SOX6: variants seen among roughly 807,000 people sequenced by gnomAD.
SOX6 encodes the protein SRY-box transcription factor 6, also known as transcription factor SOX-6.
A neutral mutation model predicts 97.8 loss-of-function variants in SOX6; 11 were observed. That is an observed-to-expected ratio of 0.11 (90% CI 0.07 to 0.19). The LOEUF is 0.19. Ranked by LOEUF, SOX6 falls within the 10% of genes least tolerant of loss-of-function variation. The pLI is 1.00. For missense variants in SOX6, 810 were observed against 1,039.5 expected (o/e 0.78, Z 3.04); for synonymous variants, 360 against 371.4 (o/e 0.97, Z 0.35).
At chr11:16,051,359 A>T (rs889182593) in intron 10 of SOX6, among the ~76,000 whole-genome samples, 1 of 152,146 alleles carries the variant, frequency 6.6e-6, no homozygotes, top group Non-Finnish European at 1.5e-5. Flanking sequence ...TTAAATTCTA[A>T]TTTATTGGAC....
chr11:16,715,856 C>T (rs999813645), intron 2 of SOX6, among the ~76,000 whole-genome samples: 22 of 152,132 alleles, frequency 1.4e-4, no homozygotes, highest in African/African-American at 2.4e-5. Flanking sequence ...AAAAAATCAA[C>T]TGCTTTTCCC....
chr11:16,251,085 T>C (rs907272848), intron 3 of SOX6, among the ~76,000 whole-genome samples: 3 of 152,014 alleles, frequency 2.0e-5, no homozygotes, highest in African/African-American at 7.2e-5. Flanking sequence ...AATTAGAAAA[T>C]ATTTCAAACT....
At chr11:16,246,733 G>C (rs1853346842) in intron 3 of SOX6, among the ~76,000 whole-genome samples, 1 of 151,578 alleles carries the variant, frequency 6.6e-6, no homozygotes, top group Non-Finnish European at 1.5e-5. Context: ...TGGATCTAAG[G>C]GATTATATTT....
intron 9 of SOX6, among the ~76,000 whole-genome samples, chr11:16,095,532 A>T (rs1162569641): frequency 6.6e-6 from 1 of 151,880 alleles, no homozygotes; most frequent in East Asian, 1.9e-4. Context: ...GACTCAACGA[A>T]TATTTTATAG....
At chr11:16,163,424 A>G (rs1348372562) in intron 6 of SOX6, among the ~76,000 whole-genome samples, 2 of 152,226 alleles carry the variant, frequency 1.3e-5, no homozygotes, top group Non-Finnish European at 2.9e-5. Context: ...TTATATTTAT[A>G]GAAAATAAAC....
intron 6 of SOX6, among the ~76,000 whole-genome samples, chr11:16,133,693 G>C (rs1256762504): frequency 1.3e-5 from 2 of 151,360 alleles, no homozygotes; most frequent in East Asian, 3.9e-4. Flanking sequence ...GTTTTGTTTT[G>C]TTTTGTTTGT....
intron 3 of SOX6, chr11:16,283,821 T>C (rs936581354): frequency 5.6e-6 from 2 of 357,352 alleles, no homozygotes; most frequent in South Asian, 4.2e-5. Context: ...TAATTTCAGT[T>C]ACTTTTTAAA....
At position 16,049,787 on chromosome 11, in the gene SOX6, A is replaced by G. The variant is rs111743861; in HGVS notation, c.1403T>C (p.Ile468Thr). 2.9e-5 allele frequency: 46 copies of G among 1,613,346 alleles called. 2 individuals carry two copies. The African/African-American group carries it at 4.5e-4, about 16-fold the overall frequency. ...GGATCCTCTTCCCAGGCTTCCTCCA[A>G]TGGGGCTAGGGATGCTGCTTTTGTT... ...LPNKSSIPSP[I>T]GGSLGRGSSL... The change falls in exon 11 of 16, where the codon ATT becomes ACT. Residue 468 changes from isoleucine to threonine, a missense_variant. By Grantham distance (89) the Ile-to-Thr change is moderately conservative. Coordinates refer to ENST00000683767, the MANE Select transcript of SOX6 (RefSeq NM_001367873.1).
chr11:16,025,838 G>A (rs1383447348), intron 12 of SOX6, among the ~76,000 whole-genome samples: 3 of 151,966 alleles, frequency 2.0e-5, no homozygotes, highest in Non-Finnish European at 4.4e-5. Context: ...TCTCCTAAGA[G>A]CTTTTCCTAT....
At chr11:16,540,586 C>A (rs1290206638) in intron 4 of SOX6, among the ~76,000 whole-genome samples, 4 of 150,274 alleles carry the variant, frequency 2.7e-5, no homozygotes, top group African/African-American at 9.7e-5. Flanking sequence ...TGTCTCAGAC[C>A]AAAATCTCCT....
At chr11:16,007,863 A>T (rs1052145768) in intron 13 of SOX6, among the ~76,000 whole-genome samples, 1 of 152,148 alleles carries the variant, frequency 6.6e-6, no homozygotes, top group Admixed American at 6.5e-5. Context: ...CTGATTTTGC[A>T]GTCCCATCGG....
At chr11:16,124,258 A>G (rs1409385092) in intron 6 of SOX6, among the ~76,000 whole-genome samples, 1 of 152,154 alleles carries the variant, frequency 6.6e-6, no homozygotes, top group Non-Finnish European at 1.5e-5. Context: ...AGTAGAAGAC[A>G]ATATTCCCTA....
intron 3 of SOX6, among the ~76,000 whole-genome samples, chr11:16,663,025 T>C (rs997422392): frequency 3.3e-5 from 5 of 150,328 alleles, no homozygotes; most frequent in South Asian, 2.1e-4. Flanking sequence ...AAATATCCAT[T>C]CCCAAGGGTC....
intron 7 of SOX6, among the ~76,000 whole-genome samples, chr11:16,101,196 C>T (rs1010651485): frequency 4.0e-5 from 6 of 151,694 alleles, no homozygotes; most frequent in South Asian, 2.1e-4. Flanking sequence ...CCTGGATGCA[C>T]GCATTTGGTA....
intron 3 of SOX6, among the ~76,000 whole-genome samples, chr11:16,253,649 G>A (rs1057051031): frequency 6.6e-6 from 1 of 151,568 alleles, no homozygotes; most frequent in Admixed American, 6.6e-5. Flanking sequence ...GTGAACTAGA[G>A]GATATATCAA....
intron 4 of SOX6, among the ~76,000 whole-genome samples, chr11:16,499,636 C>T (rs190815285): frequency 4.2e-4 from 64 of 152,180 alleles, no homozygotes; most frequent in Admixed American, 1.7e-3. Flanking sequence ...ATATCACCAC[C>T]GATCCCACAG....
intron 1 of SOX6, among the ~76,000 whole-genome samples, chr11:16,396,955 T>C (rs1415679649): frequency 6.6e-6 from 1 of 151,542 alleles, no homozygotes; most frequent in Non-Finnish European, 1.5e-5. Context: ...CATGATGAAA[T>C]AAGTACTGGG....
At chr11:16,083,491 AT>A (rs1848516086) in intron 9 of SOX6, among the ~76,000 whole-genome samples, 1 of 152,196 alleles carries the variant, frequency 6.6e-6, no homozygotes, top group African/African-American at 2.4e-5. Context: ...TGTGAAAAAA[AT>A]ATATCTCTAC....
intron 3 of SOX6, among the ~76,000 whole-genome samples, chr11:16,243,668 C>T (rs1853257831): frequency 6.6e-6 from 1 of 151,900 alleles, no homozygotes; most frequent in Non-Finnish European, 1.5e-5. Context: ...CCTTTCCAGG[C>T]AATCATCCAT....
Sources: allele counts gnomAD v4.1 joint callset (sites outside exome capture counted in the v4.1 genomes callset), GRCh38; gene constraint gnomAD v4.1.1; transcripts MANE v1.5; gene names NCBI Gene and HGNC (gene_info 2026-07-23, HGNC 2026-07-21).